Variants in GLT1D1 observed in about 807,000 individuals in gnomAD.
GLT1D1 encodes the protein glycosyltransferase 1 domain containing 1.
Under a neutral mutation model 28.7 loss-of-function variants are expected in GLT1D1, and 21 were observed. The observed-to-expected ratio is 0.73, with a 90% CI of 0.52 to 1.05. GLT1D1 has a LOEUF of 1.05. Ranked by LOEUF, GLT1D1 falls within the 50% of genes least tolerant of loss-of-function variation. The pLI is 0.00. For missense variants in GLT1D1, 343 were observed against 330.6 expected, an observed-to-expected ratio of 1.04 and a Z score of -0.29; for synonymous variants, 147 against 124.8, an observed-to-expected ratio of 1.18 and a Z score of -1.19.
chr12:128,940,971 C>T (rs1174132303), intron 4 of GLT1D1, among the ~76,000 whole-genome samples: 1 of 152,186 alleles, frequency 6.6e-6, no homozygotes, highest in Non-Finnish European at 1.5e-5. Context: ...TCCGCCTCAC[C>T]CCAATAACCC....
intron 4 of GLT1D1, among the ~76,000 whole-genome samples, chr12:128,934,408 G>GGT (rs1274667177): frequency 6.6e-6 from 1 of 152,050 alleles, no homozygotes; most frequent in Non-Finnish European, 1.5e-5. Flanking sequence ...TGGCCAGGCT[G>GGT]GTCTCGAACT....
chr12:128,905,752 C>T (rs896678229), intron 4 of GLT1D1, among the ~76,000 whole-genome samples: 16 of 151,916 alleles, frequency 1.1e-4, no homozygotes, highest in East Asian at 1.9e-4. Flanking sequence ...ATGCCTAGCA[C>T]GCGTGATCAA....
intron 4 of GLT1D1, among the ~76,000 whole-genome samples, chr12:128,904,648 T>A (rs1870651602): frequency 6.9e-6 from 1 of 145,580 alleles, no homozygotes; most frequent in African/African-American, 2.7e-5. Flanking sequence ...TTTTTTTTTT[T>A]TTTGAGACAG....
At chr12:128,879,382 CT>C (rs1956955891) in intron 2 of GLT1D1, among the ~76,000 whole-genome samples, 1 of 29,356 alleles carries the variant, frequency 3.4e-5, no homozygotes, top group African/African-American at 1.5e-4. Flanking sequence ...TTTTCTTTTT[CT>C]TTCTTTCTTT....
At chr12:128,885,948 C>T (rs1183781916) in intron 2 of GLT1D1, among the ~76,000 whole-genome samples, 1 of 152,110 alleles carries the variant, frequency 6.6e-6, no homozygotes, top group Admixed American at 6.5e-5. Flanking sequence ...ATTATAGCTC[C>T]CACAATTCCC....
rs150014205 is a variant in GLT1D1 at position 128,936,640 on chromosome 12, T to C, written c.376-8686T>C. 8.1e-3 allele frequency among the ~76,000 whole-genome samples: 1,237 copies of C among 152,310 alleles called. 21 individuals are homozygous for C. The highest frequency in any genetic ancestry group is 0.028 in the African/African-American group (1,182 of 41,552). Reference sequence around the variant, plus strand: ...GATCATATGTGGGTGCATTTTCTGGTGCTCTTTGATAAGGAGTGGGGTATG... The same window carrying C: ...GATCATATGTGGGTGCATTTTCTGGCGCTCTTTGATAAGGAGTGGGGTATG... On this transcript the variant is annotated intron_variant, in intron 4 of 7. Transcript: ENST00000281703.
chr12:128,939,436 G>T (rs1874897791), intron 4 of GLT1D1, among the ~76,000 whole-genome samples: 1 of 150,032 alleles, frequency 6.7e-6, no homozygotes, highest in African/African-American at 2.5e-5. Flanking sequence ...TTGAGATTAA[G>T]CTCAGCCGGG....
intron 7 of GLT1D1, among the ~76,000 whole-genome samples, chr12:128,959,935 A>G (rs1435936568): frequency 6.6e-6 from 1 of 152,208 alleles, no homozygotes; most frequent in African/African-American, 2.4e-5. Context: ...CTGAATAGCA[A>G]TTCCTTATAA....
Position 128,883,387 on chromosome 12 carries a change from C to G in GLT1D1, c.218-5252C>G, listed in dbSNP as rs182536526. On this transcript the variant is annotated intron_variant, in intron 2 of 7. Transcript: ENST00000281703. ...CGGGGGGATCACAAGGTCAGGAGTT[C>G]GAGACCAGCCTGGCCAACACGGTGA... 5.3e-5 allele frequency among the ~76,000 whole-genome samples: 8 copies of G among 150,050 alleles called. No individual in the cohort carries two copies. In the East Asian group the frequency reaches 1.4e-3, roughly 27 times the overall value.
At chr12:128,946,491 C>T (rs1037023277) in intron 5 of GLT1D1, among the ~76,000 whole-genome samples, 1 of 150,620 alleles carries the variant, frequency 6.6e-6, no homozygotes, top group African/African-American at 2.4e-5. Context: ...GGACTACAGG[C>T]ACCCGCCGCT....
chr12:128,961,747 A>T (rs1877969016), intron 7 of GLT1D1, among the ~76,000 whole-genome samples: 1 of 152,158 alleles, frequency 6.6e-6, no homozygotes, highest in African/African-American at 2.4e-5. Flanking sequence ...CAGTTCACAG[A>T]TTCAAATGCT....
chr12:128,968,314 T>A (rs1020197254), intron 7 of GLT1D1, among the ~76,000 whole-genome samples: 2 of 151,274 alleles, frequency 1.3e-5, no homozygotes, highest in Non-Finnish European at 2.9e-5. Flanking sequence ...GATTTCCAAG[T>A]AGTGTGACCT....
chr12:128,973,432 A>G (rs470440), intron 7 of GLT1D1, among the ~76,000 whole-genome samples: 25,657 of 148,048 alleles, frequency 0.17, 2,316 homozygotes, highest in African/African-American at 0.23. Flanking sequence ...ACCTCAAGTG[A>G]TCCACCCACC....
chr12:128,903,941 G>A (rs1467951923), intron 4 of GLT1D1, among the ~76,000 whole-genome samples: 2 of 151,724 alleles, frequency 1.3e-5, no homozygotes, highest in Admixed American at 6.6e-5. Context: ...ATGTTGGCCA[G>A]GCTGGTCTCG....
At position 128,963,145 on chromosome 12, in the gene GLT1D1, C is replaced by G. The variant is rs78187515; in HGVS notation, c.639+5502C>G. 6.2e-3 allele frequency among the ~76,000 whole-genome samples: 950 copies of G among 152,310 alleles called. 10 individuals are homozygous for G. Among genetic ancestry groups the G allele is most frequent in the African/African-American group, 0.021 (889 of 41,560 alleles). On this transcript the variant is annotated intron_variant, in intron 7 of 7. Transcript: ENST00000281703. ...ACTCAGCCGGAGCACACTGTGCACA[C>G]CAACGACAGTGGGTTACCTGAGGAG...
intron 2 of GLT1D1, among the ~76,000 whole-genome samples, chr12:128,877,575 G>A (rs1019059455): frequency 1.7e-4 from 26 of 152,046 alleles, no homozygotes; most frequent in African/African-American, 4.3e-4. Context: ...AAATTGCCCC[G>A]GTGTAAAATG....
intron 5 of GLT1D1, among the ~76,000 whole-genome samples, chr12:128,946,531 A>G (rs1876104309): frequency 6.6e-6 from 1 of 150,584 alleles, no homozygotes; most frequent in African/African-American, 2.4e-5. Flanking sequence ...TATTTTTAAT[A>G]GAGACAGGGT....
chr12:128,933,575 A>C (rs957408053), intron 4 of GLT1D1, among the ~76,000 whole-genome samples: 1 of 152,158 alleles, frequency 6.6e-6, no homozygotes, highest in African/African-American at 2.4e-5. Flanking sequence ...GTGACCCCGG[A>C]TGGAGGGTCT....
intron 7 of GLT1D1, among the ~76,000 whole-genome samples, chr12:128,971,497 C>T (rs1421206173): frequency 1.5e-5 from 2 of 132,114 alleles, no homozygotes. Context: ...TCTCTACCTC[C>T]CTCCCTCTCT....
Sources: gnomAD v4.1 joint callset for allele counts (sites outside exome capture counted in the v4.1 genomes callset) on GRCh38, gnomAD v4.1.1 for gene constraint, MANE v1.5 for transcripts, NCBI Gene and HGNC (gene_info 2026-07-23, HGNC 2026-07-21) for gene names.